DDHD1: variants seen among roughly 807,000 people sequenced by gnomAD.
The protein encoded by DDHD1 is DDHD domain containing 1.
In DDHD1, 49 loss-of-function variants were observed where a neutral mutation model predicts 96.4. The ratio of observed to expected loss-of-function variants is 0.51; its 90% CI spans 0.40 to 0.64. DDHD1 has a LOEUF of 0.64. Among genes scored for constraint, DDHD1 ranks in the 30% least tolerant of loss-of-function variants. DDHD1 has a pLI of 0.00. For synonymous variants in DDHD1, 442 were observed against 446.5 expected (o/e 0.99, Z 0.13); for missense variants, 1,106 against 1,161.2 (o/e 0.95, Z 0.69).
At chr14:53,085,278 C>T (rs1267827352) in intron 4 of DDHD1, among the ~76,000 whole-genome samples, 2 of 152,142 alleles carry the variant, frequency 1.3e-5, no homozygotes, top group East Asian at 1.9e-4. Flanking sequence ...AGTGGTTCTC[C>T]CAGCACGGGG....
At chr14:53,112,304 C>T (rs564193592) in intron 1 of DDHD1, among the ~76,000 whole-genome samples, 17 of 152,148 alleles carry the variant, frequency 1.1e-4, no homozygotes, top group South Asian at 4.1e-4. Flanking sequence ...GTAGTCCCAA[C>T]TACTTGGGAG....
chr14:53,056,479 T>C (rs930101227), intron 9 of DDHD1, among the ~76,000 whole-genome samples: 2 of 152,230 alleles, frequency 1.3e-5, no homozygotes, highest in Admixed American at 1.3e-4. Flanking sequence ...TTTTTTAAGA[T>C]GGAGATGGGG....
At chr14:53,097,981 C>G (rs1330205454) in intron 2 of DDHD1, among the ~76,000 whole-genome samples, 2 of 151,816 alleles carry the variant, frequency 1.3e-5, no homozygotes, top group African/African-American at 4.8e-5. Context: ...AAGTCATTTG[C>G]TTTATTTATT....
At chr14:53,049,657 CAAAAAAAAAAAA>C (rs11323291) in intron 12 of DDHD1, among the ~76,000 whole-genome samples, 3 of 84,720 alleles carry the variant, frequency 3.5e-5, no homozygotes, top group East Asian at 7.0e-4. Flanking sequence ...TGAGCTAGGT[CAAAAAAAAAAAA>C]AAAAAAAAAA....
At chr14:53,059,946 A>C (rs979167618) in intron 8 of DDHD1, among the ~76,000 whole-genome samples, 1 of 151,670 alleles carries the variant, frequency 6.6e-6, no homozygotes, top group Non-Finnish European at 1.5e-5. Flanking sequence ...CAAAGACCAT[A>C]CTCTTACGGC....
Position 53,110,346 on chromosome 14 carries a change from G to A in DDHD1, c.839-6490C>T, listed in dbSNP as rs568848172. 2.4e-4 allele frequency among the ~76,000 whole-genome samples: 36 copies of A among 152,310 alleles called. 1 individual carries two copies. The highest frequency in any genetic ancestry group is 8.4e-4 in the African/African-American group (35 of 41,564). Reference sequence around the variant, plus strand: ...TTACCCAATGCCTACTCACAAGCAAGTGTATATGTAAGTACATGCACATAC... The same window carrying A: ...TTACCCAATGCCTACTCACAAGCAAATGTATATGTAAGTACATGCACATAC... On this transcript the variant is annotated intron_variant, in intron 1 of 12. Transcript: ENST00000673822.
intron 9 of DDHD1, among the ~76,000 whole-genome samples, 184 bp downstream of exon 9, chr14:53,058,293 T>G (rs1346292481): frequency 2.0e-5 from 3 of 152,088 alleles, no homozygotes; most frequent in African/African-American, 2.4e-5. Flanking sequence ...TTTTGTATTT[T>G]TAGTAGAGAT....
chr14:53,076,289 C>A (rs916888775), intron 4 of DDHD1, among the ~76,000 whole-genome samples: 1 of 152,042 alleles, frequency 6.6e-6, no homozygotes, highest in Non-Finnish European at 1.5e-5. Flanking sequence ...GAAATGGATT[C>A]CAACCCTCAT....
At chr14:53,068,591 T>C (rs980811187) in intron 6 of DDHD1, among the ~76,000 whole-genome samples, 1 of 152,116 alleles carries the variant, frequency 6.6e-6, no homozygotes, top group Admixed American at 6.6e-5. Context: ...CATTGCTACT[T>C]TTTATTACAA....
rs760340957 is a variant in DDHD1, at chr14:53,061,152, T to C, written c.1816A>G (p.Thr606Ala). ...TTAAATTTTAAGGCAGGTGTTTGTG[T>C]CATAGATGATGCTTTCAATCCGTGA... ...RLHGLKASSM[T>A]QTPALKFKVE... The change falls in exon 8 of 13, where the codon ACA (threonine) becomes GCA (alanine). Residue 606 changes from threonine to alanine, a missense_variant. Transcript: ENST00000673822. 1 of 1,611,584 alleles carries C rather than the reference T, an allele frequency of 6.2e-7. No individual in the cohort carries two copies. The highest frequency in any genetic ancestry group is 8.5e-7 in the Non-Finnish European group (1 of 1,179,310).
rs1414313234 is a variant in DDHD1, at chr14:53,055,914, T to C, written c.1993-2A>G. ...TATTAATGGTTCTAATCTATAAGCC[T>C]TGATTTAAAAAAAAAAATTCAAAGA... On this transcript the variant is annotated splice_acceptor_variant, in intron 9 of 12. Coordinates refer to ENST00000673822, the MANE Select transcript of DDHD1 (RefSeq NM_001160148.2). LOFTEE classifies it high-confidence loss of function. 6.3e-7 allele frequency: 1 copy of C among 1,596,826 alleles called. No individual in the cohort carries two copies. The highest frequency in any genetic ancestry group is 1.4e-5 in the African/African-American group (1 of 73,752).
At chr14:53,103,217 T>C (rs888479603) in intron 2 of DDHD1, 1 of 537,446 alleles carries the variant, frequency 1.9e-6, no homozygotes, top group Non-Finnish European at 3.1e-6. Context: ...AATGAGTAGA[T>C]TGTTTCAAAT....
rs139427803 is a variant in DDHD1 at position 53,148,449 on chromosome 14, A to G, written c.838+3812T>C. ...TGCCTCAGCCTCCTGAATAGCTGGG[A>G]TTACAGACACTCGCCACCACGCCTG... is the stretch of plus-strand genomic sequence containing the variant. On this transcript the variant is annotated intron_variant, in intron 1 of 12. Transcript: ENST00000673822. Among the ~76,000 whole-genome samples, 1,069 of 152,080 alleles carry G rather than the reference A, an allele frequency of 7.0e-3. 7 individuals are homozygous for G. The highest frequency in any genetic ancestry group is 0.014 in the Middle Eastern group (4 of 292).
At chr14:53,052,995 A>T (rs1882737294) in intron 11 of DDHD1, 1 of 151,684 alleles carries the variant, frequency 6.6e-6, no homozygotes, top group Non-Finnish European at 1.5e-5. Context: ...AAACCTAAAA[A>T]AGTTTTATTC....
chr14:53,129,165 G>A (rs369280300), intron 1 of DDHD1, among the ~76,000 whole-genome samples: 18 of 152,280 alleles, frequency 1.2e-4, no homozygotes, highest in African/African-American at 3.6e-4. Flanking sequence ...TCAAATGGAC[G>A]TGCATGACAT....
chr14:53,066,719 C>A (rs1884050460), intron 6 of DDHD1, among the ~76,000 whole-genome samples: 1 of 152,130 alleles, frequency 6.6e-6, no homozygotes, highest in African/African-American at 2.4e-5. Flanking sequence ...GTAATCCCAG[C>A]ACTTTGGAAG....
chr14:53,116,733 T>C (rs1267276793), intron 1 of DDHD1, among the ~76,000 whole-genome samples: 1 of 152,134 alleles, frequency 6.6e-6, no homozygotes, highest in African/African-American at 2.4e-5. Context: ...GGTGTTAAGA[T>C]GGAAATTTAT....
intron 1 of DDHD1, among the ~76,000 whole-genome samples, chr14:53,117,684 G>A (rs1052575693): frequency 2.0e-5 from 3 of 152,218 alleles, no homozygotes; most frequent in African/African-American, 7.2e-5. Flanking sequence ...CTGCAGCTCA[G>A]CAAGGCCTAC....
Position 53,063,044 on chromosome 14 carries a change from C to T in DDHD1, c.1665G>A (p.Leu555=), listed in dbSNP as rs747690343. The change falls in exon 7 of 13, where the codon CTG becomes CTA. Residue 555 remains leucine, a synonymous_variant. Coordinates refer to ENST00000673822, the MANE Select transcript of DDHD1 (RefSeq NM_001160148.2). ...CTTCCTTTTGCAGCAACTGTTCATA[C>T]AGCCGAACTGGATTCCAGCCAGTCA... ...DIMTGWNPVR[L]YEQLLQKEEE... 1 of 1,610,590 alleles carries T rather than the reference C, an allele frequency of 6.2e-7. No homozygotes were observed. Among genetic ancestry groups the T allele is most frequent in the Non-Finnish European group, 8.5e-7 (1 of 1,178,298 alleles).
Sources: gnomAD v4.1 joint callset for allele counts (sites outside exome capture counted in the v4.1 genomes callset) on GRCh38, gnomAD v4.1.1 for gene constraint, MANE v1.5 for transcripts, NCBI Gene and HGNC (gene_info 2026-07-23, HGNC 2026-07-21) for gene names.